CAPN2: variants seen among roughly 807,000 people sequenced by gnomAD.
CAPN2 encodes the protein calpain-2 catalytic subunit.
In CAPN2, 92 loss-of-function variants were observed where a neutral mutation model predicts 102.3. The ratio of observed to expected loss-of-function variants is 0.90; its 90% CI spans 0.76 to 1.07. The LOEUF is 1.07. CAPN2 is among the 50% of genes least tolerant of loss of function. CAPN2 has a pLI of 0.00. For synonymous variants in CAPN2, 340 were observed against 355.4 expected, an observed-to-expected ratio of 0.96 and a Z score of 0.49; for missense variants, 800 against 909.4, an observed-to-expected ratio of 0.88 and a Z score of 1.55.
chr1:223,753,618 G>A (rs1015724442), intron 9 of CAPN2, among the ~76,000 whole-genome samples: 1 of 151,328 alleles, frequency 6.6e-6, no homozygotes, highest in African/African-American at 2.5e-5. Context: ...CACAGGGTGA[G>A]GATCCATAAT....
intron 4 of CAPN2, among the ~76,000 whole-genome samples, chr1:223,745,969 C>T (rs763135876): frequency 3.3e-5 from 5 of 152,184 alleles, no homozygotes; most frequent in South Asian, 2.1e-4. Context: ...TCCCCATCTC[C>T]GCACAGCTGC....
At chr1:223,745,830 C>T (rs1660739019) in intron 4 of CAPN2, among the ~76,000 whole-genome samples, 1 of 152,220 alleles carries the variant, frequency 6.6e-6, no homozygotes, top group Admixed American at 6.5e-5. Flanking sequence ...TGAGAAGGAG[C>T]TCTACTTCCT....
intron 2 of CAPN2, among the ~76,000 whole-genome samples, chr1:223,723,182 C>T (rs1309275799): frequency 6.6e-6 from 1 of 152,112 alleles, no homozygotes; most frequent in Non-Finnish European, 1.5e-5. Context: ...GGCTTGGTGG[C>T]ACATGCCTGT....
chr1:223,704,963 G>A (rs549088689), intron 1 of CAPN2, among the ~76,000 whole-genome samples: 1 of 152,150 alleles, frequency 6.6e-6, no homozygotes, highest in East Asian at 1.9e-4. Flanking sequence ...GCCCCCTCCT[G>A]CCGCTCCCTG....
At chr1:223,714,891 G>A (rs530930124) in intron 1 of CAPN2, among the ~76,000 whole-genome samples, 49 of 152,358 alleles carry the variant, frequency 3.2e-4, no homozygotes, top group Admixed American at 2.7e-3. Context: ...TGAGGATGTA[G>A]AGGTCTAGAG....
chr1:223,721,956 TATG>T (rs1660059829), intron 2 of CAPN2, among the ~76,000 whole-genome samples: 1 of 152,176 alleles, frequency 6.6e-6, no homozygotes, highest in Non-Finnish European at 1.5e-5. Flanking sequence ...TGATTCCAGT[TATG>T]TGAAAAGTCC....
intron 9 of CAPN2, among the ~76,000 whole-genome samples, chr1:223,753,354 G>A (rs556182482): frequency 1.3e-5 from 2 of 152,302 alleles, no homozygotes; most frequent in South Asian, 4.1e-4. Context: ...GCCTACAAGG[G>A]AACCTTGTCC....
chr1:223,745,093 G>A (rs573343086), intron 3 of CAPN2, among the ~76,000 whole-genome samples: 4 of 152,088 alleles, frequency 2.6e-5, no homozygotes, highest in Admixed American at 6.5e-5. Flanking sequence ...AAAGAGGCGG[G>A]TGTGGATTTG....
chr1:223,705,130 G>A (rs1320224755), intron 1 of CAPN2, among the ~76,000 whole-genome samples: 1 of 152,192 alleles, frequency 6.6e-6, no homozygotes, highest in Non-Finnish European at 1.5e-5. Context: ...ACAGTGGTTT[G>A]GAATACTTTC....
At chr1:223,766,755 T>C (rs1661344302) in intron 16 of CAPN2, among the ~76,000 whole-genome samples, 1 of 151,740 alleles carries the variant, frequency 6.6e-6, no homozygotes, top group East Asian at 1.9e-4. Context: ...AGGTCAGGAG[T>C]TCGAGACCAG....
At chr1:223,772,125 A>G in intron 19 of CAPN2, 56 bp from the exon 20 acceptor site, 1 of 1,500,164 alleles carries the variant, frequency 6.7e-7, no homozygotes. Flanking sequence ...AAAAGAGGAT[A>G]ATGTGATCTG....
intron 20 of CAPN2, chr1:223,773,082 G>C (rs1436292327): frequency 1.3e-5 from 2 of 152,244 alleles, no homozygotes; most frequent in Non-Finnish European, 2.9e-5. Context: ...CATGGATTTT[G>C]AACTCTGGAG....
chr1:223,769,838 C>T lies in CAPN2; in HGVS notation c.1756-3C>T. 2 of 1,606,976 alleles carry T rather than the reference C, an allele frequency of 1.2e-6. No individual in the cohort carries two copies. Among genetic ancestry groups the T allele is most frequent in the Non-Finnish European group, 1.7e-6 (2 of 1,176,362 alleles). On this transcript the variant is annotated splice_region_variant and splice_polypyrimidine_tract_variant and intron_variant, in intron 16 of 20. Transcript: ENST00000295006. ...CTCAAGGGCTTTCCTTGACTGAAGG[C>T]AGTCGGACGGGAGTGGCAAGCTGGG...
chr1:223,752,321 T>A (rs1386464243), intron 8 of CAPN2, among the ~76,000 whole-genome samples: 2 of 152,162 alleles, frequency 1.3e-5, no homozygotes, highest in Non-Finnish European at 2.9e-5. Flanking sequence ...CTAAGAGGAA[T>A]TCCTTTGGTA....
chr1:223,750,749 C>G (rs1214220623), intron 6 of CAPN2, 141 bp from the exon 7 acceptor site: 12 of 717,738 alleles, frequency 1.7e-5, no homozygotes, highest in Non-Finnish European at 3.0e-5. Context: ...CTCCCTCATA[C>G]ATGGACTCAA....
chr1:223,753,471 C>T (rs1660957073), intron 9 of CAPN2, among the ~76,000 whole-genome samples: 1 of 152,258 alleles, frequency 6.6e-6, no homozygotes. Flanking sequence ...AAGATTTCTC[C>T]TCTGGTCCAG....
chr1:223,703,442 G>A (rs1240718555), intron 1 of CAPN2, among the ~76,000 whole-genome samples: 12 of 152,218 alleles, frequency 7.9e-5, no homozygotes, highest in Non-Finnish European at 1.6e-4. Context: ...CACCTGAGAT[G>A]AGGATGTGTT....
Position 223,772,170 on chromosome 1 carries a change from TC to T in CAPN2, c.2021-8del, listed in dbSNP as rs770630421. The T allele has an allele frequency of 6.2e-7, 1 of 1,613,698 alleles. No homozygotes were observed. The highest frequency in any genetic ancestry group is 1.1e-5 in the South Asian group (1 of 91,078). On this transcript the variant is annotated splice_polypyrimidine_tract_variant and intron_variant, in intron 19 of 20. Transcript: ENST00000295006. ...ACTCACTTGTGACACCCTCTTTTTC[TC>T]CCTCCACAGAGATATTTAAGCAGCT... is the stretch of plus-strand genomic sequence containing the variant.
At chr1:223,749,649 A>G (rs1387798644) in intron 6 of CAPN2, among the ~76,000 whole-genome samples, 4 of 152,202 alleles carry the variant, frequency 2.6e-5, no homozygotes, top group Admixed American at 1.3e-4. Context: ...ATATATGTAA[A>G]GTGCTCAGAG....
Sources: gnomAD v4.1 joint callset for allele counts (sites outside exome capture counted in the v4.1 genomes callset) on GRCh38, gnomAD v4.1.1 for gene constraint, MANE v1.5 for transcripts, NCBI Gene and HGNC (gene_info 2026-07-23, HGNC 2026-07-21) for gene names.